The following SEMA3D variants were observed in gnomAD, a reference collection of about 807,000 sequenced individuals.
The protein encoded by SEMA3D is semaphorin 3D, also known as semaphorin-3D.
SEMA3D carries 84 observed loss-of-function variants against 100.1 expected under a neutral mutation model. The ratio of observed to expected loss-of-function variants is 0.84; its 90% CI spans 0.70 to 1.01. The LOEUF (loss-of-function observed/expected upper bound fraction) is 1.01. Ranked by LOEUF, SEMA3D falls within the 50% of genes least tolerant of loss-of-function variation. The pLI is 0.00. For missense variants in SEMA3D, 875 were observed against 934.1 expected, an observed-to-expected ratio of 0.94 and a Z score of 0.82; for synonymous variants, 312 against 320.7, an observed-to-expected ratio of 0.97 and a Z score of 0.29.
intron 7 of SEMA3D, 68 bp downstream of exon 7, chr7:85,068,123 G>T: frequency 2.3e-6 from 2 of 887,734 alleles, no homozygotes; most frequent in Non-Finnish European, 3.7e-6. Context: ...ATAGGAAAAT[G>T]CGGTTCAGTC....
chr7:85,016,455 T>C (rs1364277342), intron 15 of SEMA3D, among the ~76,000 whole-genome samples: 3 of 151,394 alleles, frequency 2.0e-5, no homozygotes, highest in Admixed American at 6.6e-5. Context: ...AATCTGGGAG[T>C]TGTCTTTGAA....
intron 4 of SEMA3D, among the ~76,000 whole-genome samples, chr7:85,082,466 GCTCT>G (rs1352020591): frequency 7.2e-5 from 11 of 152,168 alleles, no homozygotes; most frequent in African/African-American, 2.7e-4. Context: ...AGAAAGAAAT[GCTCT>G]CTGTTAAGCT....
At chr7:85,030,374 A>C (rs1405004199) in intron 12 of SEMA3D, among the ~76,000 whole-genome samples, 1 of 152,042 alleles carries the variant, frequency 6.6e-6, no homozygotes, top group African/African-American at 2.4e-5. Flanking sequence ...TTTCCCACCA[A>C]AAAATGGAGA....
At chr7:85,233,718 T>C in the SEMA3D span, among the ~76,000 whole-genome samples, 2 of 152,206 alleles carry the variant, frequency 1.3e-5, no homozygotes, top group Non-Finnish European at 2.9e-5. Flanking sequence ...TTTTATCTGA[T>C]TGCTAACGTT....
intron 1 of SEMA3D, among the ~76,000 whole-genome samples, chr7:85,176,231 C>T (rs1385208161): frequency 2.6e-5 from 4 of 152,112 alleles, no homozygotes; most frequent in African/African-American, 9.7e-5. Flanking sequence ...CTCCTTAAAA[C>T]ATTTTTAAAT....
rs1236582659 is a variant in SEMA3D at position 84,995,864 on chromosome 7, G to A, written c.*3576C>T. ...ATGATCCTGTCTTTGCACTCCTAAT[G>A]TATGGAATCTGGGAATCGATTTTAT... On this transcript the variant is annotated 3_prime_UTR_variant, in exon 19 of 19. Coordinates refer to ENST00000284136, the MANE Select transcript of SEMA3D (RefSeq NM_001384900.1). 3 of 151,808 alleles carry A rather than the reference G, an allele frequency of 2.0e-5. No individual in the cohort carries two copies. The highest frequency in any genetic ancestry group is 4.4e-5 in the Non-Finnish European group (3 of 67,848). 9.4% of individuals were successfully genotyped at this position (151,808 alleles called of 1,614,324 possible).
the SEMA3D span, among the ~76,000 whole-genome samples, chr7:85,218,691 A>G: frequency 6.6e-6 from 1 of 152,126 alleles, no homozygotes; most frequent in Non-Finnish European, 1.5e-5. Flanking sequence ...AAATTAATAC[A>G]TACAAATTGT....
chr7:85,057,770 A>C (rs937157694), intron 8 of SEMA3D, among the ~76,000 whole-genome samples: 1 of 151,974 alleles, frequency 6.6e-6, no homozygotes, highest in Non-Finnish European at 1.5e-5. Context: ...CTGTCTACTA[A>C]AAATACAAAA....
chr7:85,098,007 G>T (rs779771725), intron 3 of SEMA3D, 42 bp from the exon 4 acceptor site: 1 of 1,036,314 alleles, frequency 9.6e-7, no homozygotes, highest in African/African-American at 1.9e-5. Context: ...AAAGAAAAAA[G>T]AAAGAAAGAA....
chr7:85,022,452 C>T lies in SEMA3D; in HGVS notation c.1353G>A (p.Gln451=), dbSNP rs775160821. The part of the protein sequence containing the change: ...KRINVDYRLT[Q]IVVDHVIAED... ...CTGCAATGACATGATCCACCACTAT[C>T]TGTGTCAGTCTGTAATCCACATTGA... is the stretch of plus-strand genomic sequence containing the variant. Residue 451 remains glutamine (Q), a synonymous_variant, in exon 13 of 19, where the codon CAG becomes CAA. Transcript: ENST00000284136. The T allele has an allele frequency of 2.5e-6, 4 of 1,612,552 alleles. No homozygotes were observed. The highest frequency in any genetic ancestry group is 3.4e-6 in the Non-Finnish European group (4 of 1,178,950).
At chr7:85,240,205 G>T in the SEMA3D span, among the ~76,000 whole-genome samples, 1 of 152,060 alleles carries the variant, frequency 6.6e-6, no homozygotes, top group Non-Finnish European at 1.5e-5. Flanking sequence ...TTTGCTGAGG[G>T]TGAGTGTTAG....
At chr7:85,144,732 T>G in intron 2 of SEMA3D, 1 of 915,460 alleles carries the variant, frequency 1.1e-6, no homozygotes, top group Non-Finnish European at 1.3e-6. Context: ...GCCTCTAGTA[T>G]GATATGTCTG....
At chr7:85,066,150 T>C (rs1280951217) in intron 7 of SEMA3D, among the ~76,000 whole-genome samples, 1 of 152,178 alleles carries the variant, frequency 6.6e-6, no homozygotes, top group Non-Finnish European at 1.5e-5. Flanking sequence ...CATTACTGCA[T>C]ACCAAACTTC....
chr7:85,010,861 T>C (rs956532313), intron 17 of SEMA3D, among the ~76,000 whole-genome samples: 7 of 151,560 alleles, frequency 4.6e-5, no homozygotes, highest in African/African-American at 1.7e-4. Context: ...AGTGTTGAAA[T>C]AGACAGTATT....
rs184069751 is a variant in SEMA3D, at chr7:85,167,885, T to C, written c.-172-14146A>G. ...CACATCAAGAAAGCATGATATTGTGTAAAAACATTATCTTTCTCTTTGTTC... is the reference window on the plus strand; with the variant it reads ...CACATCAAGAAAGCATGATATTGTGCAAAAACATTATCTTTCTCTTTGTTC... On this transcript the variant is annotated intron_variant, in intron 1 of 18. Transcript: ENST00000284136. Among the ~76,000 whole-genome samples the C allele has an allele frequency of 1.9e-3, 282 of 152,020 alleles. 1 individual carries two copies. Among genetic ancestry groups the C allele is most frequent in the African/African-American group, 6.7e-3 (277 of 41,538 alleles).
At chr7:85,218,998 C>T in the SEMA3D span, among the ~76,000 whole-genome samples, 4 of 152,032 alleles carry the variant, frequency 2.6e-5, no homozygotes, top group Non-Finnish European at 4.4e-5. Context: ...AAATGAGCTA[C>T]GCACTTATTT....
intron 18 of SEMA3D, among the ~76,000 whole-genome samples, chr7:85,003,322 C>T (rs982336799): frequency 6.6e-6 from 1 of 151,886 alleles, no homozygotes; most frequent in Non-Finnish European, 1.5e-5. Flanking sequence ...GATGCTGGAG[C>T]AATGAGCTCG....
At chr7:85,240,454 G>A in the SEMA3D span, among the ~76,000 whole-genome samples, 2 of 152,038 alleles carry the variant, frequency 1.3e-5, no homozygotes, top group South Asian at 4.1e-4. Flanking sequence ...TTTGTCTGTA[G>A]TTTAATAATT....
chr7:85,106,108 T>G (rs1488932059), intron 3 of SEMA3D, among the ~76,000 whole-genome samples: 1 of 152,100 alleles, frequency 6.6e-6, no homozygotes, highest in Non-Finnish European at 1.5e-5. Flanking sequence ...AAAAAGTTAG[T>G]ATTATAAATA....
Sources: allele counts gnomAD v4.1 joint callset (sites outside exome capture counted in the v4.1 genomes callset), GRCh38; gene constraint gnomAD v4.1.1; transcripts MANE v1.5; gene names NCBI Gene and HGNC (gene_info 2026-07-23, HGNC 2026-07-21).